The following KCNH5 variants were observed in gnomAD, a reference collection of about 807,000 sequenced individuals.
KCNH5 encodes voltage-gated delayed rectifier potassium channel KCNH5.
A neutral mutation model predicts 96.1 loss-of-function variants in KCNH5; 46 were observed. That is an observed-to-expected ratio of 0.48 (90% CI 0.38 to 0.61). KCNH5 has a LOEUF of 0.61. Among genes scored for constraint, KCNH5 ranks in the 20% least tolerant of loss-of-function variants. The pLI is 0.00. For missense variants in KCNH5, 907 were observed against 1,225.8 expected, an observed-to-expected ratio of 0.74 and a Z score of 3.88; for synonymous variants, 439 against 449.8, an observed-to-expected ratio of 0.98 and a Z score of 0.30.
intron 8 of KCNH5, among the ~76,000 whole-genome samples, chr14:62,813,885 A>C (rs1396525174): frequency 6.6e-6 from 1 of 152,156 alleles, no homozygotes; most frequent in Non-Finnish European, 1.5e-5. Context: ...TTATATTTAA[A>C]GGAAATAAAA....
chr14:63,003,216 C>T (rs1412646372), intron 3 of KCNH5, among the ~76,000 whole-genome samples: 1 of 151,616 alleles, frequency 6.6e-6, no homozygotes, highest in African/African-American at 2.4e-5. Flanking sequence ...TGTTTTTCAA[C>T]TTTCCAAGCC....
At chr14:62,783,972 G>C (rs1361224314) in intron 9 of KCNH5, among the ~76,000 whole-genome samples, 1 of 150,836 alleles carries the variant, frequency 6.6e-6, no homozygotes, top group Non-Finnish European at 1.5e-5. Flanking sequence ...TAGAACCAAA[G>C]TATAATGTAT....
chr14:62,719,242 G>T (rs1424978995), intron 10 of KCNH5, among the ~76,000 whole-genome samples: 1 of 152,204 alleles, frequency 6.6e-6, no homozygotes, highest in Non-Finnish European at 1.5e-5. Flanking sequence ...AGGTCTCCTT[G>T]TTCAAAATTA....
chr14:62,806,886 G>A (rs2140003829), intron 8 of KCNH5, among the ~76,000 whole-genome samples: 1 of 152,226 alleles, frequency 6.6e-6, no homozygotes, highest in East Asian at 1.9e-4. Context: ...CTTTGCTGAT[G>A]GCTGTGGGTG....
At chr14:62,799,652 T>C (rs1312305537) in intron 9 of KCNH5, among the ~76,000 whole-genome samples, 2 of 116,566 alleles carry the variant, frequency 1.7e-5, no homozygotes, top group Non-Finnish European at 3.5e-5. Context: ...AAAGCAGAAC[T>C]TAAAAATATA....
chr14:62,919,362 A>C (rs1889337777), intron 7 of KCNH5, among the ~76,000 whole-genome samples: 1 of 152,176 alleles, frequency 6.6e-6, no homozygotes. Context: ...TTTAATAATG[A>C]TATAACTGCT....
At chr14:62,961,121 T>C (rs1398559138) in intron 6 of KCNH5, among the ~76,000 whole-genome samples, 1 of 152,076 alleles carries the variant, frequency 6.6e-6, no homozygotes, top group Non-Finnish European at 1.5e-5. Context: ...TTATGATATG[T>C]GTACAAGCAA....
chr14:62,904,776 T>G (rs1422082118), intron 7 of KCNH5, among the ~76,000 whole-genome samples: 1 of 152,208 alleles, frequency 6.6e-6, no homozygotes, highest in Non-Finnish European at 1.5e-5. Flanking sequence ...TGGGGTGTAC[T>G]TCTCATTTCA....
At chr14:62,825,636 T>C (rs1283620165) in intron 8 of KCNH5, among the ~76,000 whole-genome samples, 1 of 152,102 alleles carries the variant, frequency 6.6e-6, no homozygotes, top group Non-Finnish European at 1.5e-5. Context: ...CATCCATAGG[T>C]GATTAACATA....
At chr14:62,763,991 A>T (rs147360298) in intron 10 of KCNH5, among the ~76,000 whole-genome samples, 1,764 of 152,232 alleles carry the variant, frequency 0.012, 32 homozygotes, top group African/African-American at 0.04. Flanking sequence ...TTCCAAAAAA[A>T]TGAGGGGGAG....
intron 6 of KCNH5, among the ~76,000 whole-genome samples, chr14:62,974,559 A>G (rs1303205947): frequency 1.3e-5 from 2 of 152,224 alleles, no homozygotes; most frequent in Non-Finnish European, 2.9e-5. Context: ...ATTTTCTTAA[A>G]GAATCACATA....
At chr14:62,815,693 G>C (rs1376330300) in intron 8 of KCNH5, among the ~76,000 whole-genome samples, 1 of 151,798 alleles carries the variant, frequency 6.6e-6, no homozygotes, top group Non-Finnish European at 1.5e-5. Flanking sequence ...TAAACAAACA[G>C]GTAGTATTTA....
chr14:62,750,981 G>C (rs760539798), intron 10 of KCNH5, among the ~76,000 whole-genome samples: 1 of 152,034 alleles, frequency 6.6e-6, no homozygotes, highest in Non-Finnish European at 1.5e-5. Context: ...GACGGCTGGA[G>C]TAAACTTGCT....
chr14:62,796,154 A>G (rs1364774570), intron 9 of KCNH5, among the ~76,000 whole-genome samples: 2 of 152,092 alleles, frequency 1.3e-5, no homozygotes, highest in African/African-American at 2.4e-5. Context: ...GAGGAGATTG[A>G]CACAATTATA....
At chr14:62,990,578 G>C (rs184407681) in intron 4 of KCNH5, among the ~76,000 whole-genome samples, 1 of 152,058 alleles carries the variant, frequency 6.6e-6, no homozygotes, top group Admixed American at 6.6e-5. Context: ...GAAAGAGAAA[G>C]GTAATATTAA....
intron 7 of KCNH5, among the ~76,000 whole-genome samples, chr14:62,876,099 G>A (rs1001700689): frequency 6.6e-6 from 1 of 152,114 alleles, no homozygotes. Flanking sequence ...CCTGGGAGGC[G>A]GAGGTTGCAG....
At position 62,712,371 on chromosome 14, in the gene KCNH5, AT is replaced by A. The variant is rs1226725211; in HGVS notation, c.2020-3917del. 3.2e-5 allele frequency: 13 copies of A among 409,738 alleles called. No homozygotes were observed. In the East Asian group the frequency reaches 4.0e-4, roughly 13 times the overall value. 25.4% of individuals were successfully genotyped at this position (409,738 alleles called of 1,614,324 possible). On this transcript the variant is annotated intron_variant, in intron 10 of 10. Transcript: ENST00000322893. ...GTCACTTCCACACACGTATTTTCTCATTTAAGTGTCATGGAATGAGAACATT... is the reference window on the plus strand; with the variant it reads ...GTCACTTCCACACACGTATTTTCTCATTAAGTGTCATGGAATGAGAACATT...
intron 1 of KCNH5, among the ~76,000 whole-genome samples, chr14:63,022,439 G>A (rs1238879568): frequency 4.0e-5 from 6 of 151,136 alleles, no homozygotes; most frequent in East Asian, 3.9e-4. Context: ...GAAGCCAAAC[G>A]AGTTTTTTGT....
intron 10 of KCNH5, among the ~76,000 whole-genome samples, chr14:62,727,815 A>G (rs1383445875): frequency 6.6e-6 from 1 of 151,434 alleles, no homozygotes; most frequent in Non-Finnish European, 1.5e-5. Context: ...TAAGCAGGTA[A>G]TTTTAACATA....
Sources: allele counts gnomAD v4.1 joint callset (sites outside exome capture counted in the v4.1 genomes callset), GRCh38; gene constraint gnomAD v4.1.1; transcripts MANE v1.5; gene names NCBI Gene and HGNC (gene_info 2026-07-23, HGNC 2026-07-21).